The following LAMC1 variants were observed in gnomAD, a reference collection of about 807,000 sequenced individuals.
LAMC1 encodes laminin subunit gamma 1, also known as laminin subunit gamma-1.
A neutral mutation model predicts 173.6 loss-of-function variants in LAMC1; 38 were observed. The observed-to-expected ratio is 0.22, with a 90% confidence interval of 0.17 to 0.29. The LOEUF (loss-of-function observed/expected upper bound fraction) is 0.29. LAMC1 is among the 10% of genes least tolerant of loss of function. The pLI is 1.00. For synonymous variants in LAMC1, 746 were observed against 749.1 expected, an observed-to-expected ratio of 1.00 and a Z score of 0.07; for missense variants, 1,824 against 2,051.8, an observed-to-expected ratio of 0.89 and a Z score of 2.14.
At chr1:183,103,747 T>C in intron 2 of LAMC1, 115 bp downstream of exon 2, 1 of 822,032 alleles carries the variant, frequency 1.2e-6, no homozygotes, top group Non-Finnish European at 1.8e-6. Context: ...CAGAGTAGAA[T>C]ACTTGAGCAA....
chr1:183,134,723 A>G lies in LAMC1; in HGVS notation c.3913A>G (p.Lys1305Glu), dbSNP rs896388162. ...NLEQLIDQKL[K>E]DYEDLREDMR... The stretch of plus-strand genomic sequence containing the variant: ...GGAACAACTGATTGACCAGAAATTA[A>G]AAGATTATGAGGACCTCAGAGAAGA... Residue 1305 changes from lysine to glutamate, a missense_variant, in exon 23 of 28, where the codon AAA becomes GAA. Physicochemically the swap from Lys to Glu is moderately conservative, Grantham distance 56 (BLOSUM62 1). Transcript: ENST00000258341. 1 of 1,613,450 alleles carries G rather than the reference A, an allele frequency of 6.2e-7. No individual in the cohort carries two copies. The highest frequency in any genetic ancestry group is 1.7e-5 in the Admixed American group (1 of 59,982).
At chr1:183,121,607 C>T (rs1656476112) in intron 11 of LAMC1, 116 bp from the exon 12 acceptor site, 1 of 809,178 alleles carries the variant, frequency 1.2e-6, no homozygotes, top group Admixed American at 2.7e-5. Context: ...CCCAGTTAAG[C>T]AAATGGCTAA....
At chr1:183,141,168 T>C (rs1003463682) in intron 27 of LAMC1, 1 of 152,118 alleles carries the variant, frequency 6.6e-6, no homozygotes, top group Non-Finnish European at 1.5e-5. Flanking sequence ...ATTTTAAAAA[T>C]TAGCTGGGTG....
chr1:183,091,997 A>G (rs1655577385), intron 1 of LAMC1, among the ~76,000 whole-genome samples: 1 of 152,198 alleles, frequency 6.6e-6, no homozygotes, highest in Non-Finnish European at 1.5e-5. Context: ...GGCCTTGTGA[A>G]TGCAAGTCGA....
At chr1:183,051,537 T>C (rs1020967271) in intron 1 of LAMC1, among the ~76,000 whole-genome samples, 2 of 152,126 alleles carry the variant, frequency 1.3e-5, no homozygotes, top group African/African-American at 4.8e-5. Flanking sequence ...ATAAAAATGG[T>C]GGTTGTTTTA....
At chr1:183,030,422 A>G (rs923305479) in intron 1 of LAMC1, among the ~76,000 whole-genome samples, 2 of 152,232 alleles carry the variant, frequency 1.3e-5, no homozygotes, top group Admixed American at 6.5e-5. Flanking sequence ...CTTGTCTGGC[A>G]TAGTGTTCAT....
chr1:183,133,368 G>A (rs778139054), intron 21 of LAMC1, 38 bp from the exon 22 acceptor site: 2 of 1,574,336 alleles, frequency 1.3e-6, no homozygotes, highest in Admixed American at 1.7e-5. Context: ...GCTAAAAGCA[G>A]CTAAGATTGT....
intron 1 of LAMC1, among the ~76,000 whole-genome samples, chr1:183,080,278 A>G (rs1655236344): frequency 6.6e-6 from 1 of 152,162 alleles, no homozygotes; most frequent in Admixed American, 6.6e-5. Flanking sequence ...TAAAAATTGT[A>G]CTAGCTATTT....
In LAMC1 at chr1:183,124,792, A is replaced by G; in HGVS notation, c.2563A>G (p.Asn855Asp). The G allele has an allele frequency of 6.2e-7, 1 of 1,614,184 alleles. No homozygotes were observed. Among genetic ancestry groups the G allele is most frequent in the Non-Finnish European group, 8.5e-7 (1 of 1,180,020 alleles). ...LTGECLKCIY[N>D]TAGFYCDRCK... ...GGGAGAATGCCTGAAGTGCATCTATAACACTGCTGGCTTCTATTGTGACCG... is the reference window on the plus strand; with the variant it reads ...GGGAGAATGCCTGAAGTGCATCTATGACACTGCTGGCTTCTATTGTGACCG... The change falls in exon 14 of 28, where the codon AAC (asparagine) becomes GAC (aspartate). Residue 855 changes from asparagine (N) to aspartate (D), a missense_variant. Transcript: ENST00000258341.
chr1:183,136,868 A>G (rs1341977093), intron 25 of LAMC1, among the ~76,000 whole-genome samples: 1 of 152,194 alleles, frequency 6.6e-6, no homozygotes, highest in African/African-American at 2.4e-5. Flanking sequence ...CCCACAAAAA[A>G]TCAGACTTTT....
intron 1 of LAMC1, among the ~76,000 whole-genome samples, chr1:183,100,672 A>G (rs926771011): frequency 1.3e-5 from 2 of 152,196 alleles, no homozygotes; most frequent in Non-Finnish European, 1.5e-5. Flanking sequence ...CTTTCCAAAC[A>G]TGATGTACTT....
chr1:183,145,061 T>C lies in LAMC1; in HGVS notation c.*2271T>C, dbSNP rs1657220810. The C allele has an allele frequency of 6.6e-6, 1 of 152,166 alleles. No homozygotes were observed. The highest frequency in any genetic ancestry group is 1.5e-5 in the Non-Finnish European group (1 of 68,034). The allele number at this position is 152,166 out of a possible 1,614,324, so 9.4% of individuals were successfully genotyped here. A position where few individuals can be genotyped will look rare whatever the true frequency, so the allele number is the denominator to read the frequency against. On this transcript the variant is annotated 3_prime_UTR_variant, in exon 28 of 28. Transcript: ENST00000258341. ...AAGTGGCTACATCCTAACATATGCATTTGGTCAAGGTTGCAGAAGAGGACT... is the reference window on the plus strand; with the variant it reads ...AAGTGGCTACATCCTAACATATGCACTTGGTCAAGGTTGCAGAAGAGGACT...
chr1:183,128,523 G>A lies in LAMC1; in HGVS notation c.3124-71G>A, dbSNP rs1034742888. The A allele has an allele frequency of 6.9e-6, 9 of 1,299,696 alleles. No homozygotes were observed. The African/African-American group carries it at 1.3e-4, about 19-fold the overall frequency. The allele number at this position is 1,299,696 out of a possible 1,614,324, so 80.5% of individuals were successfully genotyped here. A position where few individuals can be genotyped will look rare whatever the true frequency, so the allele number is the denominator to read the frequency against. ...CATGGAGTGCCCATGATTCCTGCAG[G>A]AAGTGTGATTGAGTTCTTCAGGAAT... On this transcript the variant is annotated intron_variant, in intron 17 of 27. Transcript: ENST00000258341.
At chr1:183,086,765 G>C (rs1655440058) in intron 1 of LAMC1, among the ~76,000 whole-genome samples, 1 of 152,218 alleles carries the variant, frequency 6.6e-6, no homozygotes, top group Non-Finnish European at 1.5e-5. Context: ...TAGAGGGTCA[G>C]AAAATTACTT....
intron 1 of LAMC1, among the ~76,000 whole-genome samples, chr1:183,058,635 A>G (rs1654662399): frequency 6.6e-6 from 1 of 152,170 alleles, no homozygotes; most frequent in Non-Finnish European, 1.5e-5. Flanking sequence ...ATATGTAAAT[A>G]TTTTGTCTTT....
chr1:183,087,706 C>A (rs931915802), intron 1 of LAMC1, among the ~76,000 whole-genome samples: 4 of 152,074 alleles, frequency 2.6e-5, no homozygotes, highest in African/African-American at 9.7e-5. Flanking sequence ...CCTCTAAGAT[C>A]CCAATAGAGG....
At position 183,058,077 on chromosome 1, in the gene LAMC1, CTCTT is replaced by C. The variant is rs567892393; in HGVS notation, c.418+33946_418+33949del. Reference sequence around the variant, plus strand: ...TATTTGATCCTTCTAAAAAGAGGTTCTCTTTCATATTTATTTTTTGTCTATGATG... The same window carrying C: ...TATTTGATCCTTCTAAAAAGAGGTTCTCATATTTATTTTTTGTCTATGATG... On this transcript the variant is annotated intron_variant, in intron 1 of 27. Transcript: ENST00000258341. Among the ~76,000 whole-genome samples, 219 of 152,188 alleles carry C rather than the reference CTCTT, an allele frequency of 1.4e-3. 1 individual carries two copies. Among genetic ancestry groups the C allele is most frequent in the African/African-American group, 5.1e-3 (210 of 41,544 alleles).
At chr1:183,118,331 T>A (rs926208074) in intron 11 of LAMC1, among the ~76,000 whole-genome samples, 185 bp downstream of exon 11, 1 of 151,984 alleles carries the variant, frequency 6.6e-6, no homozygotes, top group Admixed American at 6.6e-5. Context: ...CTGGAAAAAA[T>A]TTGGTAAAAT....
chr1:183,117,925 TTTGATTGTTAGAGCA>T, intron 10 of LAMC1, 94 bp from the exon 11 acceptor site: 2 of 775,172 alleles, frequency 2.6e-6, no homozygotes, highest in Non-Finnish European at 4.3e-6. Context: ...TTTTATTTGA[TTTGATTGTTAGAGCA>T]TTGCATTGTT....
Sources: allele counts gnomAD v4.1 joint callset (sites outside exome capture counted in the v4.1 genomes callset), GRCh38; gene constraint gnomAD v4.1.1; transcripts MANE v1.5; gene names NCBI Gene and HGNC (gene_info 2026-07-23, HGNC 2026-07-21).